CRAMP1: variants seen among roughly 807,000 people sequenced by gnomAD.
CRAMP1 encodes the protein cramped chromatin regulator 1.
Under a neutral mutation model 115.4 loss-of-function variants are expected in CRAMP1, and 50 were observed. The observed-to-expected ratio is 0.43, with a 90% CI of 0.35 to 0.55. The LOEUF is 0.55. CRAMP1 is among the 20% of genes least tolerant of loss of function. The pLI is 0.01. For synonymous variants in CRAMP1, 866 were observed against 745.4 expected, an observed-to-expected ratio of 1.16 and a Z score of -2.64; for missense variants, 1,679 against 1,721.7, an observed-to-expected ratio of 0.98 and a Z score of 0.44.
Position 1,619,857 on chromosome 16 carries a change from C to T in CRAMP1, c.346+4872C>T, listed in dbSNP as rs376546893. Among the ~76,000 whole-genome samples, 15 of 152,262 alleles carry T rather than the reference C, an allele frequency of 9.9e-5. No individual in the cohort carries two copies. The East Asian group carries it at 2.1e-3, about 22-fold the overall frequency. On this transcript the variant is annotated intron_variant, in intron 2 of 20. Coordinates refer to ENST00000397412, the MANE Select transcript of CRAMP1 (RefSeq NM_020825.4). ...GTCAGCTTCAGAACCTGGAAGAGGACATCTCAGAGTCTGGCGACCCTGACC... is the reference window on the plus strand; with the variant it reads ...GTCAGCTTCAGAACCTGGAAGAGGATATCTCAGAGTCTGGCGACCCTGACC...
chr16:1,656,455 G>T lies in CRAMP1; in HGVS notation c.1698G>T (p.Lys566Asn). Residue 566 changes from lysine (K) to asparagine (N), a missense_variant, in exon 10 of 21, where the codon AAG (lysine) becomes AAT (asparagine). Transcript: ENST00000397412. The surrounding 1 kb of genome is among the most constrained non-coding windows in gnomAD (Gnocchi z 5.6). The stretch of plus-strand genomic sequence containing the variant: ...TAGACCCCTTGCCCCGCTACCTAAA[G>T]TCCTGTCAGGACCTCATTGTCCCCG... The part of the protein sequence containing the change: ...SLLDPLPRYL[K>N]SCQDLIVPEQ... The T allele has an allele frequency of 6.3e-7, 1 of 1,582,222 alleles. No homozygotes were observed. Among genetic ancestry groups the T allele is most frequent in the East Asian group, 2.3e-5 (1 of 42,866 alleles).
At chr16:1,654,991 C>T (rs2036757409) in intron 8 of CRAMP1, among the ~76,000 whole-genome samples, 1 of 152,388 alleles carries the variant, frequency 6.6e-6, no homozygotes, top group East Asian at 1.9e-4. Context: ...TACTTGGGAT[C>T]TCTGTGTTGT....
chr16:1,616,222 T>A (rs745731691), intron 2 of CRAMP1, among the ~76,000 whole-genome samples: 41 of 152,208 alleles, frequency 2.7e-4, no homozygotes, highest in Non-Finnish European at 5.0e-4. Context: ...TTGTTACTAG[T>A]TTTTTATTGC....
chr16:1,642,502 C>A (rs1195627680), intron 6 of CRAMP1, among the ~76,000 whole-genome samples: 2 of 152,236 alleles, frequency 1.3e-5, no homozygotes, highest in Admixed American at 1.3e-4. Flanking sequence ...CAGCCAGGGG[C>A]CGCCAGCCAT....
chr16:1,619,050 G>T (rs1414353065), intron 2 of CRAMP1, among the ~76,000 whole-genome samples: 1 of 152,176 alleles, frequency 6.6e-6, no homozygotes. Flanking sequence ...TCTTATTGTG[G>T]CTTATGTAAG....
In CRAMP1 at chr16:1,614,854, C is replaced by T. The variant is rs1232439679; in HGVS notation, c.215C>T (p.Pro72Leu). 1.1e-5 allele frequency: 14 copies of T among 1,303,062 alleles called. No homozygotes were observed. The highest frequency in any genetic ancestry group is 1.5e-5 in the African/African-American group (1 of 65,000). 80.7% of individuals were successfully genotyped at this position (1,303,062 alleles called of 1,614,324 possible). A position where few individuals can be genotyped will look rare whatever the true frequency, so the allele number is the denominator to read the frequency against. The change falls in exon 2 of 21, where the codon CCG becomes CTG. Residue 72 changes from proline (P) to leucine (L), a missense_variant. Pro to Leu is a moderately conservative substitution (Grantham distance 98). Transcript: ENST00000397412. The surrounding 1 kb of genome is among the most constrained non-coding windows in gnomAD (Gnocchi z 4.4). ...GGCGCGCCGCAGGCGCCGTCCCCGC[C>T]GCAGGGCAGCCCCCAGGACCAGCAC... ...PPGAPQAPSP[P>L]QGSPQDQHHF... is the part of the protein sequence containing the mutation.
At chr16:1,626,281 G>T (rs186022083) in intron 3 of CRAMP1, 115 bp downstream of exon 3, 1 of 1,022,668 alleles carries the variant, frequency 9.8e-7, no homozygotes, top group Non-Finnish European at 1.4e-6. Flanking sequence ...ATTCCTGGGC[G>T]ACCCCCGCAG....
At chr16:1,632,115 C>G (rs2036552136) in intron 3 of CRAMP1, 97 bp from the exon 4 acceptor site, 2 of 1,320,228 alleles carry the variant, frequency 1.5e-6, no homozygotes, top group East Asian at 2.5e-5. Context: ...CAGCCTGTCT[C>G]CTTTCTCCTT....
chr16:1,634,601 C>T (rs2036572191), intron 4 of CRAMP1, among the ~76,000 whole-genome samples: 1 of 152,214 alleles, frequency 6.6e-6, no homozygotes, highest in Non-Finnish European at 1.5e-5. Context: ...TTGGTGTCTC[C>T]TGTTCGTGCA....
At chr16:1,659,751 C>G in intron 10 of CRAMP1, 135 bp from the exon 11 acceptor site, 1 of 857,234 alleles carries the variant, frequency 1.2e-6, no homozygotes, top group African/African-American at 1.7e-5. Flanking sequence ...TTGGGCGTCT[C>G]TGGCCCTGGC....
At chr16:1,665,938 G>GTTCAGTGGC in intron 14 of CRAMP1, 135 bp from the exon 15 acceptor site, 1 of 641,456 alleles carries the variant, frequency 1.6e-6, no homozygotes, top group Non-Finnish European at 2.8e-6. Context: ...CATTTGGAAT[G>GTTCAGTGGC]TTCAGTGGCT....
intron 5 of CRAMP1, among the ~76,000 whole-genome samples, chr16:1,639,512 A>G (rs2036614940): frequency 6.6e-6 from 1 of 152,004 alleles, no homozygotes; most frequent in African/African-American, 2.4e-5. Context: ...CTATGCAAGC[A>G]TCTGATTGGT....
chr16:1,673,084 A>G (rs1196337077), intron 20 of CRAMP1, among the ~76,000 whole-genome samples: 1 of 150,986 alleles, frequency 6.6e-6, no homozygotes, highest in Non-Finnish European at 1.5e-5. Flanking sequence ...ACCTGTCCTC[A>G]TTTCTCTGAC....
At chr16:1,651,844 T>C (rs2036726809) in intron 6 of CRAMP1, among the ~76,000 whole-genome samples, 1 of 142,178 alleles carries the variant, frequency 7.0e-6, no homozygotes, top group Admixed American at 7.0e-5. Flanking sequence ...CACACAGAGG[T>C]CACAGAAAGG....
chr16:1,617,404 G>A (rs1323981140), intron 2 of CRAMP1, among the ~76,000 whole-genome samples: 1 of 152,238 alleles, frequency 6.6e-6, no homozygotes. Flanking sequence ...AGAAGGCCAG[G>A]TGGTGGCAGT....
In CRAMP1 at chr16:1,675,312, G is replaced by A. The variant is rs774064105; in HGVS notation, c.*1267G>A. 6.6e-6 allele frequency: 1 copy of A among 152,432 alleles called. No individual in the cohort carries two copies. The highest frequency in any genetic ancestry group is 2.1e-4 in the South Asian group (1 of 4,828). 9.4% of individuals were successfully genotyped at this position (152,432 alleles called of 1,614,324 possible). A position where few individuals can be genotyped will look rare whatever the true frequency, so the allele number is the denominator to read the frequency against. On this transcript the variant is annotated 3_prime_UTR_variant, in exon 21 of 21. Coordinates refer to ENST00000397412, the MANE Select transcript of CRAMP1 (RefSeq NM_020825.4). ...ATGAGTCACCGTCCATCCACATCCA[G>A]TGTGGCCTGGAGCTGCTACAGAGGT...
intron 4 of CRAMP1, among the ~76,000 whole-genome samples, chr16:1,633,160 C>T (rs2036559987): frequency 6.6e-6 from 1 of 152,226 alleles, no homozygotes; most frequent in Non-Finnish European, 1.5e-5. Flanking sequence ...TGTGCCCTTG[C>T]CTGTGCCTCG....
At chr16:1,639,082 A>G (rs61301467) in intron 5 of CRAMP1, among the ~76,000 whole-genome samples, 26,723 of 151,686 alleles carry the variant, frequency 0.18, 3,907 homozygotes, top group African/African-American at 0.39. Context: ...AGTTTACGCC[A>G]CAGCTCTCCC....
chr16:1,659,483 C>G (rs991316671), intron 10 of CRAMP1, among the ~76,000 whole-genome samples: 1 of 152,096 alleles, frequency 6.6e-6, no homozygotes, highest in African/African-American at 2.4e-5. Context: ...CTCCACCTCC[C>G]AGGTTCACAC....
Sources: allele counts gnomAD v4.1 joint callset (sites outside exome capture counted in the v4.1 genomes callset), GRCh38; gene constraint gnomAD v4.1.1; non-coding constraint Gnocchi (gnomAD v3.1); transcripts MANE v1.5; gene names NCBI Gene and HGNC (gene_info 2026-07-23, HGNC 2026-07-21).